Variants in DENND2A observed in about 807,000 individuals in gnomAD.
The protein encoded by DENND2A is DENN domain-containing protein 2A.
In DENND2A, 53 loss-of-function variants were observed where a neutral mutation model predicts 105.3. The ratio of observed to expected loss-of-function variants is 0.50; its 90% CI spans 0.40 to 0.63. The LOEUF is 0.63. DENND2A is among the 30% of genes least tolerant of loss of function. DENND2A has a pLI of 0.00. For missense variants in DENND2A, 1,138 were observed against 1,279.6 expected, an observed-to-expected ratio of 0.89 and a Z score of 1.69; for synonymous variants, 522 against 508.4, an observed-to-expected ratio of 1.03 and a Z score of -0.36.
intron 3 of DENND2A, among the ~76,000 whole-genome samples, chr7:140,591,126 G>A (rs1254988783): frequency 6.6e-6 from 1 of 151,770 alleles, no homozygotes; most frequent in Non-Finnish European, 1.5e-5. Flanking sequence ...GCAAGACCCT[G>A]TCTCTATAAA....
chr7:140,577,690 G>A (rs942587193), intron 5 of DENND2A, among the ~76,000 whole-genome samples: 1 of 152,064 alleles, frequency 6.6e-6, no homozygotes, highest in African/African-American at 2.4e-5. Context: ...GATCCACCGC[G>A]CCCAGCCAGC....
At chr7:140,554,823 C>T (rs1434027581) in intron 12 of DENND2A, among the ~76,000 whole-genome samples, 2 of 152,114 alleles carry the variant, frequency 1.3e-5, no homozygotes, top group African/African-American at 4.8e-5. Flanking sequence ...TATGTTGGCT[C>T]ATTTTCCAGA....
intron 12 of DENND2A, among the ~76,000 whole-genome samples, chr7:140,548,880 G>C (rs1797008459): frequency 6.6e-6 from 1 of 151,734 alleles, no homozygotes; most frequent in South Asian, 2.1e-4. Flanking sequence ...CCCAGTGTTG[G>C]GATTACAGGC....
intron 18 of DENND2A, among the ~76,000 whole-genome samples, chr7:140,520,379 A>C (rs1464046173): frequency 6.6e-6 from 1 of 151,254 alleles, no homozygotes; most frequent in Non-Finnish European, 1.5e-5. Context: ...ATTTCCCTGC[A>C]TTCTCCTGTA....
intron 8 of DENND2A, among the ~76,000 whole-genome samples, chr7:140,568,230 A>G (rs1002874036): frequency 2.0e-5 from 3 of 152,044 alleles, no homozygotes; most frequent in African/African-American, 7.2e-5. Flanking sequence ...GTGAGCCACC[A>G]AGCCCGGCCC....
At chr7:140,573,106 C>G (rs1798162858) in intron 6 of DENND2A, among the ~76,000 whole-genome samples, 1 of 152,180 alleles carries the variant, frequency 6.6e-6, no homozygotes, top group South Asian at 2.1e-4. Flanking sequence ...CCAGTCACTT[C>G]TTTGGGTCTT....
At chr7:140,575,968 C>A (rs1421282490) in intron 5 of DENND2A, among the ~76,000 whole-genome samples, 4 of 145,062 alleles carry the variant, frequency 2.8e-5, no homozygotes, top group African/African-American at 5.1e-5. Context: ...GACTCTATCT[C>A]AAAAAAAAAT....
intron 9 of DENND2A, among the ~76,000 whole-genome samples, chr7:140,565,339 G>T (rs1215703108): frequency 7.9e-5 from 12 of 151,862 alleles, no homozygotes; most frequent in Admixed American, 7.2e-4. Flanking sequence ...TTCTGGGGGT[G>T]GGGGGAGATG....
Position 140,558,806 on chromosome 7 carries a change from C to CTT in DENND2A, c.1890-596_1890-595dup, listed in dbSNP as rs34152911. 2.0e-3 allele frequency among the ~76,000 whole-genome samples: 285 copies of CTT among 140,930 alleles called. 2 individuals are homozygous for CTT. Among genetic ancestry groups the CTT allele is most frequent in the African/African-American group, 3.3e-3 (125 of 38,232 alleles). 92.5% of individuals were successfully genotyped at this position (140,930 alleles called of 152,430 possible). On this transcript the variant is annotated intron_variant, in intron 10 of 19. Coordinates refer to ENST00000496613, the MANE Select transcript of DENND2A (RefSeq NM_015689.5). ...ATCCTGGGCTATCCTGTCATTTTCT[C>CTT]TTTTTTTTTTTTTCAAGATGGAGTC...
intron 5 of DENND2A, among the ~76,000 whole-genome samples, chr7:140,582,632 C>G (rs1040978632): frequency 6.6e-6 from 1 of 152,184 alleles, no homozygotes; most frequent in African/African-American, 2.4e-5. Flanking sequence ...AGGTTGTTCC[C>G]TCACCTCTTC....
At chr7:140,580,473 C>A (rs543105549) in intron 5 of DENND2A, among the ~76,000 whole-genome samples, 2 of 152,074 alleles carry the variant, frequency 1.3e-5, no homozygotes, top group Admixed American at 6.6e-5. Flanking sequence ...GCATGCACCA[C>A]CATGCCTATC....
chr7:140,624,201 C>A (rs540559195), intron 1 of DENND2A, among the ~76,000 whole-genome samples: 3 of 152,316 alleles, frequency 2.0e-5, no homozygotes, highest in African/African-American at 7.2e-5. Flanking sequence ...GGGAGTGACG[C>A]CTGTGCTGGC....
chr7:140,593,343 A>G (rs570352894), intron 3 of DENND2A, among the ~76,000 whole-genome samples: 2 of 152,334 alleles, frequency 1.3e-5, no homozygotes, highest in African/African-American at 4.8e-5. Flanking sequence ...CAGGTCCTCA[A>G]ATGATCGTTT....
At chr7:140,603,063 T>C (rs1329912678) in intron 2 of DENND2A, among the ~76,000 whole-genome samples, 2 of 152,010 alleles carry the variant, frequency 1.3e-5, no homozygotes, top group Non-Finnish European at 2.9e-5. Flanking sequence ...GGCGGGTGGA[T>C]CACGAGGTCA....
intron 8 of DENND2A, among the ~76,000 whole-genome samples, chr7:140,567,806 C>T (rs1797926349): frequency 6.6e-6 from 1 of 152,192 alleles, no homozygotes; most frequent in South Asian, 2.1e-4. Flanking sequence ...GTCCACCTCC[C>T]CTCCTGCCAC....
intron 5 of DENND2A, among the ~76,000 whole-genome samples, chr7:140,582,360 G>A (rs1240329837): frequency 1.3e-5 from 2 of 152,196 alleles, no homozygotes; most frequent in East Asian, 3.9e-4. Context: ...CAGACCAGGT[G>A]TGACAGCTTG....
At chr7:140,575,645 A>G (rs1178781334) in intron 5 of DENND2A, among the ~76,000 whole-genome samples, 1 of 152,212 alleles carries the variant, frequency 6.6e-6, no homozygotes, top group Non-Finnish European at 1.5e-5. Context: ...ATACCCACAC[A>G]GTGGAATACC....
rs1456660549 is a variant in DENND2A, at chr7:140,602,215, A to G, written c.183T>C (p.Thr61=). 35 of 1,613,976 alleles carry G rather than the reference A, an allele frequency of 2.2e-5. No homozygotes were observed. The highest frequency in any genetic ancestry group is 3.0e-5 in the Non-Finnish European group (35 of 1,179,996). The stretch of plus-strand genomic sequence containing the variant: ...CGTCTGCTCTCCTGCTGGGTGCAGG[A>G]GTGGGCACCTCTTTCTTCCCTTCCC... ...SEWEGKKEVP[T]PAPSRRADGQ... The change falls in exon 3 of 20, where the codon ACT becomes ACC. Residue 61 remains threonine, a synonymous_variant. Coordinates refer to ENST00000496613, the MANE Select transcript of DENND2A (RefSeq NM_015689.5).
At chr7:140,522,123 A>T in intron 17 of DENND2A, 23 bp from the exon 18 acceptor site, 1 of 1,613,066 alleles carries the variant, frequency 6.2e-7, no homozygotes, top group Non-Finnish European at 8.5e-7. Flanking sequence ...AGGAAAGGCC[A>T]GGAACGGTGA....
Sources: allele counts gnomAD v4.1 joint callset (sites outside exome capture counted in the v4.1 genomes callset), GRCh38; gene constraint gnomAD v4.1.1; transcripts MANE v1.5; gene names NCBI Gene and HGNC (gene_info 2026-07-23, HGNC 2026-07-21).